DUSP11: variants seen among roughly 807,000 people sequenced by gnomAD.
DUSP11 encodes the protein RNA/RNP complex-1-interacting phosphatase.
DUSP11 carries 27 observed loss-of-function variants against 41.4 expected under a neutral mutation model. The observed-to-expected ratio is 0.65, with a 90% CI of 0.48 to 0.90. DUSP11 has a LOEUF of 0.90. DUSP11 is among the 40% of genes least tolerant of loss of function. DUSP11 has a pLI of 0.00. For missense variants in DUSP11, 465 were observed against 461.1 expected (o/e 1.01, Z -0.08); for synonymous variants, 188 against 159.3 (o/e 1.18, Z -1.35).
At position 73,767,048 on chromosome 2, in the gene DUSP11, T is replaced by C; in HGVS notation, c.682+113A>G. 3.1e-6 allele frequency: 4 copies of C among 1,279,266 alleles called. No individual in the cohort carries two copies. The Admixed American group carries it at 7.3e-5, about 23-fold the overall frequency. 79.2% of individuals were successfully genotyped at this position (1,279,266 alleles called of 1,614,324 possible). On this transcript the variant is annotated intron_variant, in intron 6 of 8. Transcript: ENST00000272444. ...ATAGACTTTTGGCAAGACTATCTTA[T>C]ATTGGAACAAACGAATTACAAACTT...
intron 5 of DUSP11, chr2:73,769,036 G>T: frequency 2.7e-6 from 1 of 376,228 alleles, no homozygotes; most frequent in Non-Finnish European, 4.7e-6. Context: ...TTAAAAAACA[G>T]AATGTCTAAC....
chr2:73,774,990 T>A (rs747690832), exon 3 of DUSP11: 12 of 1,612,800 alleles, frequency 7.4e-6, no homozygotes, highest in Non-Finnish European at 1.0e-5. Context: ...CGGATTTTGT[T>A]AAAAAGATCC....
Position 73,766,165 on chromosome 2 carries a change from T to C in DUSP11, c.935+253A>G, listed in dbSNP as rs184098635. On this transcript the variant is annotated intron_variant, in intron 8 of 8. Transcript: ENST00000272444. The stretch of plus-strand genomic sequence containing the variant: ...TCTACTAAAAATACAAAAAATTAGC[T>C]GGGCATGGTGGCGGGTGCCTGTAGT... Among the ~76,000 whole-genome samples the C allele has an allele frequency of 3.6e-3, 551 of 151,876 alleles. 6 individuals carry two copies. The highest frequency in any genetic ancestry group is 0.013 in the African/African-American group (524 of 41,450).
At chr2:73,766,487 T>C (rs746595455) in exon 8 of DUSP11, 10 of 1,614,034 alleles carry the variant, frequency 6.2e-6, no homozygotes, top group Non-Finnish European at 1.7e-6. Context: ...CTGGATCTGA[T>C]GTAGATTATA....
At position 73,779,909 on chromosome 2, in the gene DUSP11, T is replaced by G. The variant is rs747091137; in HGVS notation, c.207A>C (p.Ser69=). ...TGTGGTTTCCGCCCTTCTTCTTGGCTGAGGAGCGTCCTGAAAAGTCGCGTC... is the reference window on the plus strand; with the variant it reads ...TGTGGTTTCCGCCCTTCTTCTTGGCGGAGGAGCGTCCTGAAAAGTCGCGTC... The change falls in exon 1 of 9, where the codon TCA becomes TCC. Residue 69 remains serine (S), a synonymous_variant. Coordinates refer to ENST00000272444, the Ensembl canonical transcript of DUSP11. 43 of 1,614,104 alleles carry G rather than the reference T, an allele frequency of 2.7e-5. No homozygotes were observed. In the African/African-American group the frequency reaches 5.2e-4, roughly 20 times the overall value.
chr2:73,772,818 C>T (rs745401253), intron 4 of DUSP11, among the ~76,000 whole-genome samples: 15 of 152,198 alleles, frequency 9.9e-5, no homozygotes, highest in Non-Finnish European at 1.9e-4. Context: ...TATCTTCAAA[C>T]CCACTGATCC....
intron 1 of DUSP11, 171 bp downstream of exon 1, chr2:73,779,703 A>G (rs898909847): frequency 6.2e-6 from 6 of 962,616 alleles, no homozygotes; most frequent in Admixed American, 2.9e-5. Flanking sequence ...CATCACAGAC[A>G]TCGCCCCTTT....
chr2:73,778,230 T>C, intron 2 of DUSP11, 71 bp downstream of exon 2: 7 of 983,522 alleles, frequency 7.1e-6, no homozygotes, highest in South Asian at 1.6e-5. Context: ...TGGAATGTGA[T>C]AGAGTGGAGA....
At chr2:73,769,373 T>C (rs1400856669) in intron 4 of DUSP11, 48 bp from the exon 5 acceptor site, 5 of 1,292,276 alleles carry the variant, frequency 3.9e-6, no homozygotes, top group Non-Finnish European at 5.6e-6. Context: ...GATACACAAG[T>C]ATATAACATT....
At position 73,780,106 on chromosome 2, in the gene DUSP11, T is replaced by A. The variant is rs1196430370; in HGVS notation, c.10A>T (p.Ser4Cys). 6.4e-7 allele frequency: 1 copy of A among 1,559,840 alleles called. No homozygotes were observed. ...CCTACGCCGCGCTCCAGCGTCTCGC[T>A]ATTGCGCATGTGCCACCGCCGGTCG... The change falls in exon 1 of 9, where the codon AGC (serine) becomes TGC (cysteine). Residue 4 changes from serine (S) to cysteine (C), a missense_variant. Coordinates refer to ENST00000272444, the Ensembl canonical transcript of DUSP11.
chr2:73,764,754 G>A (rs986199194), intron 8 of DUSP11, among the ~76,000 whole-genome samples: 8 of 152,164 alleles, frequency 5.3e-5, no homozygotes, highest in Non-Finnish European at 8.8e-5. Flanking sequence ...ATCACCTGAG[G>A]TCAGGAGTTC....
chr2:73,775,603 C>T (rs1035382587), intron 2 of DUSP11, among the ~76,000 whole-genome samples: 26 of 149,816 alleles, frequency 1.7e-4, no homozygotes, highest in African/African-American at 6.4e-4. Flanking sequence ...CACCTGTAAT[C>T]CCAGCACTTT....
chr2:73,773,771 C>T lies in DUSP11; in HGVS notation c.574+29G>A, dbSNP rs143057535. 5.5e-5 allele frequency: 87 copies of T among 1,584,718 alleles called. No homozygotes were observed. In the African/African-American group the frequency reaches 7.7e-4, roughly 14 times the overall value. On this transcript the variant is annotated intron_variant, in intron 4 of 8. Transcript: ENST00000272444. ...TCCCCAACCCCATTCATAATGCACA[C>T]CACAGTTCAGGTAAGAACAAAAACT...
At chr2:73,768,958 T>TA (rs752612978) in intron 5 of DUSP11, 6,969 of 88,676 alleles carry the variant, frequency 0.079, 319 homozygotes, top group African/African-American at 0.23. Flanking sequence ...TCCGTCTCAA[T>TA]AAAAAAAAAA....
At chr2:73,768,486 C>T (rs1672512712) in intron 5 of DUSP11, 1 of 985,330 alleles carries the variant, frequency 1.0e-6, no homozygotes, top group Non-Finnish European at 1.2e-6. Context: ...AAAAGCATAA[C>T]GACACATACT....
intron 4 of DUSP11, chr2:73,773,527 T>C: frequency 2.7e-6 from 1 of 375,410 alleles, no homozygotes; most frequent in Non-Finnish European, 5.0e-6. Context: ...AAAAATAACA[T>C]TTTAATTTTA....
chr2:73,770,889 C>T (rs1006529901), intron 4 of DUSP11, among the ~76,000 whole-genome samples: 2 of 152,162 alleles, frequency 1.3e-5, no homozygotes, highest in South Asian at 4.1e-4. Flanking sequence ...CAGCCACACT[C>T]GGCTCTGTAA....
At chr2:73,777,549 T>C (rs956042017) in intron 2 of DUSP11, among the ~76,000 whole-genome samples, 1 of 152,200 alleles carries the variant, frequency 6.6e-6, no homozygotes, top group Non-Finnish European at 1.5e-5. Context: ...TAAACAAAAA[T>C]ACAATCTTCA....
intron 1 of DUSP11, among the ~76,000 whole-genome samples, chr2:73,778,877 T>G (rs1248536408): frequency 6.6e-6 from 1 of 152,162 alleles, no homozygotes; most frequent in East Asian, 1.9e-4. Flanking sequence ...CCGGGCGCGG[T>G]GGCTCACGTC....
Sources: gnomAD v4.1 joint callset for allele counts (sites outside exome capture counted in the v4.1 genomes callset) on GRCh38, gnomAD v4.1.1 for gene constraint, MANE v1.5 for transcripts, NCBI Gene and HGNC (gene_info 2026-07-23, HGNC 2026-07-21) for gene names.